LRFN5: variants seen among roughly 807,000 people sequenced by gnomAD.
LRFN5 encodes the protein leucine rich repeat and fibronectin type III domain containing 5.
A neutral mutation model predicts 45.6 loss-of-function variants in LRFN5; 24 were observed. That is an observed-to-expected ratio of 0.53 (90% CI 0.38 to 0.74). The LOEUF is 0.74. Among genes scored for constraint, LRFN5 ranks in the 30% least tolerant of loss-of-function variants. The pLI is 0.00. For missense variants in LRFN5, 776 were observed against 861.5 expected (o/e 0.90, Z 1.24); for synonymous variants, 340 against 313.8 (o/e 1.08, Z -0.88).
intron 1 of LRFN5, among the ~76,000 whole-genome samples, chr14:41,709,019 A>T (rs975238891): frequency 2.0e-5 from 3 of 152,020 alleles, no homozygotes; most frequent in Admixed American, 6.6e-5. Context: ...ACGTGGTGAT[A>T]TTCTAGGTTT....
chr14:41,836,539 G>A (rs1888668699), intron 2 of LRFN5, among the ~76,000 whole-genome samples: 1 of 152,164 alleles, frequency 6.6e-6, no homozygotes, highest in Non-Finnish European at 1.5e-5. Context: ...GACGCTATAA[G>A]TAACTTTTTG....
chr14:41,630,780 G>A lies in LRFN5; in HGVS notation c.-197+22218G>A, dbSNP rs938675059. Among the ~76,000 whole-genome samples the A allele has an allele frequency of 1.1e-4, 16 of 152,042 alleles. No individual in the cohort carries two copies. The South Asian group carries it at 1.5e-3, about 14-fold the overall frequency. On this transcript the variant is annotated intron_variant, in intron 1 of 5. Coordinates refer to ENST00000298119, the MANE Select transcript of LRFN5 (RefSeq NM_152447.5). ...GTCACTTGTAAAGTCTTTTATATAC[G>A]ATTAGAAATTATATTTTCTTGAGAG...
chr14:41,819,895 T>C (rs1888052342), intron 2 of LRFN5, among the ~76,000 whole-genome samples: 1 of 152,116 alleles, frequency 6.6e-6, no homozygotes. Context: ...TTGAGCCTTT[T>C]TTCATATGTT....
At chr14:41,882,707 G>A (rs1162538539) in intron 2 of LRFN5, among the ~76,000 whole-genome samples, 1 of 152,032 alleles carries the variant, frequency 6.6e-6, no homozygotes, top group Non-Finnish European at 1.5e-5. Flanking sequence ...ATTTTGTTAT[G>A]TTGAACCACA....
chr14:41,635,397 A>G (rs1031002482), intron 1 of LRFN5, among the ~76,000 whole-genome samples: 1 of 152,182 alleles, frequency 6.6e-6, no homozygotes, highest in African/African-American at 2.4e-5. Flanking sequence ...TAAACCAAAG[A>G]ACCCAAATAC....
At chr14:41,856,906 C>G (rs1339639489) in intron 2 of LRFN5, among the ~76,000 whole-genome samples, 1 of 150,120 alleles carries the variant, frequency 6.7e-6, no homozygotes, top group African/African-American at 2.4e-5. Flanking sequence ...CCTCGTGATC[C>G]GCCCGCCTCG....
chr14:41,659,839 T>TA (rs1031656605), intron 1 of LRFN5, among the ~76,000 whole-genome samples: 3 of 152,048 alleles, frequency 2.0e-5, no homozygotes, highest in Non-Finnish European at 2.9e-5. Context: ...GTTGGCTGTA[T>TA]GAATGCCTTC....
At chr14:41,655,030 T>A (rs566690006) in intron 1 of LRFN5, among the ~76,000 whole-genome samples, 1 of 152,224 alleles carries the variant, frequency 6.6e-6, no homozygotes, top group Non-Finnish European at 1.5e-5. Context: ...CTCTAAAGGA[T>A]GTATACTGTA....
chr14:41,900,216 C>G (rs1206589613), intron 5 of LRFN5, among the ~76,000 whole-genome samples: 2 of 152,014 alleles, frequency 1.3e-5, no homozygotes, highest in Non-Finnish European at 2.9e-5. Context: ...ATAAGGAACA[C>G]AAGCCAAAAT....
At chr14:41,697,190 T>G (rs1882649912) in intron 1 of LRFN5, among the ~76,000 whole-genome samples, 1 of 151,978 alleles carries the variant, frequency 6.6e-6, no homozygotes, top group Non-Finnish European at 1.5e-5. Flanking sequence ...TAAATTCACA[T>G]ATGAAGCCAT....
At chr14:41,697,536 CAG>C (rs1453980935) in intron 1 of LRFN5, among the ~76,000 whole-genome samples, 4 of 151,644 alleles carry the variant, frequency 2.6e-5, no homozygotes, top group African/African-American at 7.3e-5. Flanking sequence ...TTATTTAAAA[CAG>C]AGATTTTGTT....
intron 2 of LRFN5, among the ~76,000 whole-genome samples, chr14:41,876,382 G>A (rs1890188006): frequency 7.1e-6 from 1 of 140,406 alleles, no homozygotes; most frequent in Non-Finnish European, 1.5e-5. Context: ...CCGGGTTCAC[G>A]CCCTTCTCCT....
intron 1 of LRFN5, among the ~76,000 whole-genome samples, chr14:41,612,803 G>T (rs1309240225): frequency 6.6e-6 from 1 of 152,034 alleles, no homozygotes; most frequent in African/African-American, 2.4e-5. Context: ...ACCATTTTTA[G>T]TATGCTCTAC....
chr14:41,675,292 C>T (rs1163135679), intron 1 of LRFN5, among the ~76,000 whole-genome samples: 2 of 152,244 alleles, frequency 1.3e-5, no homozygotes, highest in African/African-American at 4.8e-5. Flanking sequence ...GATCACGCCA[C>T]TGTGCTCCAG....
At position 41,607,196 on chromosome 14, in the gene LRFN5, G is replaced by A. The variant is rs1206137642; in HGVS notation, c.-1563G>A. On this transcript the variant is annotated 5_prime_UTR_variant, in exon 1 of 6. It adds an upstream start codon to the 5' untranslated region. Transcript: ENST00000298119. ...TGTTTTTCCTTCTTCCCTTGAGGATGTGAATTGTTTAGCAGCTGGCTGCTC... is the reference window on the plus strand; with the variant it reads ...TGTTTTTCCTTCTTCCCTTGAGGATATGAATTGTTTAGCAGCTGGCTGCTC... Among the ~76,000 whole-genome samples the A allele has an allele frequency of 6.6e-6, 1 of 152,202 alleles. No individual in the cohort carries two copies. The highest frequency in any genetic ancestry group is 1.9e-4 in the East Asian group (1 of 5,168).
chr14:41,738,654 A>T (rs1372271085), intron 1 of LRFN5, among the ~76,000 whole-genome samples: 1 of 152,126 alleles, frequency 6.6e-6, no homozygotes, highest in African/African-American at 2.4e-5. Flanking sequence ...TCTTTTCAAG[A>T]TCCCGTTTTA....
chr14:41,673,897 C>T (rs1441457102), intron 1 of LRFN5, among the ~76,000 whole-genome samples: 1 of 142,886 alleles, frequency 7.0e-6, no homozygotes, highest in African/African-American at 2.6e-5. Context: ...AGGTGGGGGA[C>T]TGATCCCCCC....
intron 1 of LRFN5, among the ~76,000 whole-genome samples, chr14:41,623,112 C>A (rs998345103): frequency 4.6e-5 from 7 of 152,096 alleles, no homozygotes; most frequent in Admixed American, 2.6e-4. Flanking sequence ...TATTAAAGTT[C>A]AGCTTTCCAG....
At chr14:41,792,010 C>A (rs566509841) in intron 2 of LRFN5, among the ~76,000 whole-genome samples, 1 of 152,160 alleles carries the variant, frequency 6.6e-6, no homozygotes, top group East Asian at 1.9e-4. Flanking sequence ...CCCAATATTT[C>A]AACGATGTTC....
Sources: allele counts gnomAD v4.1 joint callset (sites outside exome capture counted in the v4.1 genomes callset), GRCh38; gene constraint gnomAD v4.1.1; transcripts MANE v1.5; gene names NCBI Gene and HGNC (gene_info 2026-07-23, HGNC 2026-07-21).